Variants in PLEKHG1 observed in about 807,000 individuals in gnomAD.
PLEKHG1 encodes pleckstrin homology and RhoGEF domain containing G1.
A neutral mutation model predicts 100.8 loss-of-function variants in PLEKHG1; 44 were observed. That is an observed-to-expected ratio of 0.44 (90% CI 0.34 to 0.56). The LOEUF (loss-of-function observed/expected upper bound fraction) is 0.56. PLEKHG1 is among the 20% of genes least tolerant of loss of function. The pLI is 0.01. For synonymous variants in PLEKHG1, 640 were observed against 662.5 expected, an observed-to-expected ratio of 0.97 and a Z score of 0.52; for missense variants, 1,545 against 1,720.9, an observed-to-expected ratio of 0.90 and a Z score of 1.81.
intron 1 of PLEKHG1, among the ~76,000 whole-genome samples, chr6:150,722,052 T>G (rs985842366): frequency 6.6e-6 from 1 of 152,166 alleles, no homozygotes; most frequent in African/African-American, 2.4e-5. Context: ...ACAAAATTAT[T>G]CGTTTTACTC....
chr6:150,677,695 T>C (rs1014563341), intron 3 of PLEKHG1, among the ~76,000 whole-genome samples: 2 of 151,054 alleles, frequency 1.3e-5, no homozygotes, highest in Non-Finnish European at 2.9e-5. Flanking sequence ...CATAGTGAGA[T>C]CCCGTCTCTA....
intron 3 of PLEKHG1, among the ~76,000 whole-genome samples, chr6:150,773,715 A>G (rs1213527710): frequency 6.6e-6 from 1 of 151,872 alleles, no homozygotes; most frequent in Non-Finnish European, 1.5e-5. Flanking sequence ...TTTTTTTTTA[A>G]TTTGTCATTT....
intron 1 of PLEKHG1, among the ~76,000 whole-genome samples, chr6:150,614,170 T>C (rs1326949416): frequency 6.6e-6 from 1 of 152,216 alleles, no homozygotes; most frequent in Non-Finnish European, 1.5e-5. Flanking sequence ...GGCAGAGACG[T>C]ACGATAGCTC....
intron 15 of PLEKHG1, among the ~76,000 whole-genome samples, chr6:150,835,161 A>G (rs1333032069): frequency 6.6e-6 from 1 of 152,008 alleles, no homozygotes; most frequent in Non-Finnish European, 1.5e-5. Context: ...TTCTGCCTAT[A>G]AATCACCCAA....
At chr6:150,658,011 A>G (rs980646677) in intron 3 of PLEKHG1, among the ~76,000 whole-genome samples, 2 of 152,222 alleles carry the variant, frequency 1.3e-5, no homozygotes, top group African/African-American at 4.8e-5. Context: ...CAATAAAACA[A>G]AATTACCCAC....
At chr6:150,702,236 CT>C (rs2128599613) in intron 3 of PLEKHG1, among the ~76,000 whole-genome samples, 1 of 152,290 alleles carries the variant, frequency 6.6e-6, no homozygotes, top group African/African-American at 2.4e-5. Context: ...CTTTGGGAGG[CT>C]GAGGCAGGCG....
chr6:150,646,313 T>A lies in PLEKHG1; in HGVS notation c.-157-4415T>A, dbSNP rs936519324. 3.3e-5 allele frequency among the ~76,000 whole-genome samples: 5 copies of A among 152,088 alleles called. 1 individual carries two copies. Among genetic ancestry groups the A allele is most frequent in the African/African-American group, 1.2e-4 (5 of 41,426 alleles). On this transcript the variant is annotated intron_variant, in intron 2 of 3. Coordinates refer to the PLEKHG1 transcript ENST00000367326. The stretch of plus-strand genomic sequence containing the variant: ...TTCTTCATAAAACCCAAAAATTAGG[T>A]CTCGGTGGCCCTGATTGGTCTGGTG...
upstream of PLEKHG1, among the ~76,000 whole-genome samples, chr6:150,717,530 A>G (rs1257692208): frequency 1.3e-5 from 2 of 152,176 alleles, no homozygotes; most frequent in African/African-American, 4.8e-5. Flanking sequence ...TCCTTCAATT[A>G]GGCCAGAAGG....
chr6:150,629,671 G>C (rs931855587), intron 1 of PLEKHG1, among the ~76,000 whole-genome samples: 2 of 152,132 alleles, frequency 1.3e-5, no homozygotes, highest in Non-Finnish European at 2.9e-5. Flanking sequence ...ATATTGGCCA[G>C]GATGGTCTCG....
At chr6:150,791,726 T>C (rs1050967521) in intron 4 of PLEKHG1, among the ~76,000 whole-genome samples, 4 of 150,224 alleles carry the variant, frequency 2.7e-5, no homozygotes, top group Admixed American at 6.6e-5. Flanking sequence ...CTTTGTAGAA[T>C]TGACTTTGAA....
At chr6:150,744,430 G>A (rs1228380550) in intron 2 of PLEKHG1, among the ~76,000 whole-genome samples, 3 of 152,052 alleles carry the variant, frequency 2.0e-5, no homozygotes, top group Admixed American at 2.0e-4. Flanking sequence ...AAATGAGAAC[G>A]TGGGCACCAG....
At chr6:150,824,408 C>A (rs1275217223) in intron 14 of PLEKHG1, among the ~76,000 whole-genome samples, 1 of 152,110 alleles carries the variant, frequency 6.6e-6, no homozygotes, top group Non-Finnish European at 1.5e-5. Flanking sequence ...GCTGTGAAAC[C>A]TCTCCCTATA....
chr6:150,793,626 A>G (rs534835378), intron 4 of PLEKHG1, among the ~76,000 whole-genome samples: 13 of 152,222 alleles, frequency 8.5e-5, no homozygotes, highest in Non-Finnish European at 1.6e-4. Flanking sequence ...AAGAGAGACA[A>G]CCAGACTTTA....
intron 3 of PLEKHG1, among the ~76,000 whole-genome samples, chr6:150,770,503 G>T (rs1562503220): frequency 6.6e-6 from 1 of 152,138 alleles, no homozygotes; most frequent in Non-Finnish European, 1.5e-5. Context: ...GAATCACCTG[G>T]GAAGCTGGAT....
chr6:150,614,785 C>G (rs968416943), intron 1 of PLEKHG1, among the ~76,000 whole-genome samples: 1 of 152,182 alleles, frequency 6.6e-6, no homozygotes, highest in African/African-American at 2.4e-5. Flanking sequence ...GTGTTACAGT[C>G]TTACTTCTGG....
At chr6:150,815,367 CA>C (rs992313128) in intron 10 of PLEKHG1, among the ~76,000 whole-genome samples, 25 of 151,124 alleles carry the variant, frequency 1.7e-4, no homozygotes, top group Admixed American at 7.9e-4. Context: ...AATGTCCAGA[CA>C]AAAAAAAATT....
chr6:150,782,704 CAAAAAGGGGA>C (rs2128649201), intron 3 of PLEKHG1, among the ~76,000 whole-genome samples: 1 of 151,830 alleles, frequency 6.6e-6, no homozygotes, highest in Admixed American at 6.5e-5. Context: ...TACAAATTTG[CAAAAAGGGGA>C]AATAATGCTA....
upstream of PLEKHG1, among the ~76,000 whole-genome samples, chr6:150,717,206 A>AT (rs796220079): frequency 5.1e-3 from 731 of 142,538 alleles, 5 homozygotes; most frequent in Middle Eastern, 0.011. Context: ...TAATTTTTGT[A>AT]TTTTTTTTTT....
In PLEKHG1 at chr6:150,710,710, G is replaced by A. The variant is rs1781213446; in HGVS notation, c.-98-22874G>A. Among the ~76,000 whole-genome samples the A allele has an allele frequency of 2.0e-5, 3 of 152,258 alleles. No homozygotes were observed. The South Asian group carries it at 6.2e-4, about 32-fold the overall frequency. On this transcript the variant is annotated intron_variant, in intron 3 of 3. Transcript: ENST00000367326. ...CCCAGAAAAAAAAAATCTAGGTTGG[G>A]TGTTCTCTGCGGATATAATGCCAGG...
Sources: allele counts gnomAD v4.1 joint callset (sites outside exome capture counted in the v4.1 genomes callset), GRCh38; gene constraint gnomAD v4.1.1; transcripts MANE v1.5; gene names NCBI Gene and HGNC (gene_info 2026-07-23, HGNC 2026-07-21).